Variants in FBXL17 observed in about 807,000 individuals in gnomAD.
FBXL17 encodes the protein F-box and leucine rich repeat protein 17.
A neutral mutation model predicts 66.2 loss-of-function variants in FBXL17; 22 were observed. The observed-to-expected ratio is 0.33, with a 90% CI of 0.24 to 0.47. The LOEUF is 0.47. Among genes scored for constraint, FBXL17 ranks in the 20% least tolerant of loss-of-function variants. The probability of loss-of-function intolerance (pLI) is 1.00; values close to 1 mark genes in which losing one functional copy is unlikely to be tolerated. For synonymous variants in FBXL17, 474 were observed against 400.5 expected (o/e 1.18, Z -2.19); for missense variants, 878 against 948.2 (o/e 0.93, Z 0.97).
Position 108,193,205 on chromosome 5 carries a change from C to G in FBXL17, c.1615-6958G>C, listed in dbSNP as rs77647244. On this transcript the variant is annotated intron_variant, in intron 5 of 8. Coordinates refer to ENST00000542267, the MANE Select transcript of FBXL17 (RefSeq NM_001163315.3). ...CCTTGCTGATGAAGGGGTTGCTGGG[C>G]ATAGATTAGCACGACACACTAATCC... 1.6e-4 allele frequency among the ~76,000 whole-genome samples: 24 copies of G among 152,220 alleles called. 2 individuals are homozygous for G. The East Asian group carries it at 4.6e-3, about 29-fold the overall frequency.
At chr5:108,160,718 G>C (rs1288030753) in intron 6 of FBXL17, among the ~76,000 whole-genome samples, 2 of 152,106 alleles carry the variant, frequency 1.3e-5, no homozygotes, top group Admixed American at 1.3e-4. Context: ...ATTTAAGACA[G>C]TTAGAGAAAG....
intron 5 of FBXL17, among the ~76,000 whole-genome samples, chr5:108,216,656 G>C (rs1304127761): frequency 6.6e-6 from 1 of 152,030 alleles, no homozygotes; most frequent in Non-Finnish European, 1.5e-5. Context: ...ATACTGAAAG[G>C]AGTTAGTTAG....
chr5:108,262,140 G>A (rs1013035967), intron 4 of FBXL17, among the ~76,000 whole-genome samples: 16 of 149,660 alleles, frequency 1.1e-4, no homozygotes, highest in Admixed American at 6.0e-4. Flanking sequence ...GCAGTGGCAC[G>A]GTCTTGGCTC....
chr5:108,179,863 T>C (rs1752934313), intron 6 of FBXL17, among the ~76,000 whole-genome samples: 1 of 152,162 alleles, frequency 6.6e-6, no homozygotes, highest in South Asian at 2.1e-4. Flanking sequence ...AAGAACCATA[T>C]GATTTAAATA....
At chr5:108,082,043 T>A (rs11242662) in intron 6 of FBXL17, among the ~76,000 whole-genome samples, 74,882 of 151,930 alleles carry the variant, frequency 0.49, 19,456 homozygotes, top group Admixed American at 0.6. Context: ...AGCCTAGTAG[T>A]TGAGAAAACA....
At chr5:108,291,337 T>C (rs1478386016) in intron 4 of FBXL17, among the ~76,000 whole-genome samples, 4 of 152,204 alleles carry the variant, frequency 2.6e-5, no homozygotes, top group African/African-American at 9.6e-5. Flanking sequence ...TCCTCTAAGT[T>C]TGTAAGTATT....
At chr5:108,134,718 T>C (rs561321140) in intron 6 of FBXL17, among the ~76,000 whole-genome samples, 140 of 152,326 alleles carry the variant, frequency 9.2e-4, no homozygotes, top group African/African-American at 3.2e-3. Context: ...ATGTGTAGTA[T>C]GTGTACTATA....
chr5:107,949,909 C>G (rs1240227689), intron 7 of FBXL17, among the ~76,000 whole-genome samples: 2 of 152,122 alleles, frequency 1.3e-5, no homozygotes, highest in African/African-American at 4.8e-5. Context: ...TATTAGTTTA[C>G]GTTCTACATG....
intron 7 of FBXL17, among the ~76,000 whole-genome samples, chr5:107,980,645 A>AATAT (rs61438456): frequency 7.6e-5 from 6 of 79,226 alleles, no homozygotes; most frequent in African/African-American, 2.2e-4. Flanking sequence ...CCAATAAAAT[A>AATAT]ATATATATAT....
chr5:108,245,629 T>C (rs868515672), intron 4 of FBXL17, among the ~76,000 whole-genome samples: 2 of 152,178 alleles, frequency 1.3e-5, no homozygotes, highest in Non-Finnish European at 2.9e-5. Context: ...GAATCCACCA[T>C]CCATCGTAAC....
At chr5:108,104,683 T>A (rs1749724279) in intron 6 of FBXL17, among the ~76,000 whole-genome samples, 1 of 152,152 alleles carries the variant, frequency 6.6e-6, no homozygotes, top group Non-Finnish European at 1.5e-5. Context: ...ATTCAGTGAG[T>A]GCAATAGATG....
chr5:108,220,318 C>G (rs371566761), intron 5 of FBXL17, among the ~76,000 whole-genome samples: 20 of 152,130 alleles, frequency 1.3e-4, no homozygotes, highest in African/African-American at 3.6e-4. Context: ...TCAACTCAGA[C>G]AGTCTGCTGT....
chr5:108,082,455 A>G (rs544221101), intron 6 of FBXL17, among the ~76,000 whole-genome samples: 3 of 152,336 alleles, frequency 2.0e-5, no homozygotes, highest in African/African-American at 4.8e-5. Flanking sequence ...AGTGCTCAAT[A>G]TATGTTTGTT....
chr5:108,317,174 A>G (rs886555345), intron 4 of FBXL17, among the ~76,000 whole-genome samples: 2 of 151,356 alleles, frequency 1.3e-5, no homozygotes, highest in African/African-American at 4.8e-5. Context: ...TTTATAAAAC[A>G]TGTAAAGTTA....
intron 1 of FBXL17, among the ~76,000 whole-genome samples, chr5:108,380,237 T>G (rs969489488): frequency 8.5e-5 from 13 of 152,182 alleles, no homozygotes; most frequent in Non-Finnish European, 1.9e-4. Context: ...ATATATAAAG[T>G]CTGGCGCAGT....
chr5:107,989,480 T>A (rs4957547), intron 7 of FBXL17, among the ~76,000 whole-genome samples: 44,801 of 152,090 alleles, frequency 0.29, 6,643 homozygotes, highest in East Asian at 0.36. Flanking sequence ...TTTCATTCTT[T>A]TTTATGGCTG....
intron 6 of FBXL17, among the ~76,000 whole-genome samples, chr5:108,092,447 C>A (rs1265799646): frequency 6.6e-6 from 1 of 152,074 alleles, no homozygotes; most frequent in African/African-American, 2.4e-5. Context: ...TTCCTACTCA[C>A]ATACATCACA....
intron 7 of FBXL17, among the ~76,000 whole-genome samples, chr5:107,893,950 G>A (rs1188586223): frequency 1.3e-5 from 2 of 152,186 alleles, no homozygotes; most frequent in Admixed American, 6.6e-5. Flanking sequence ...TCTTTCCAAC[G>A]AGGAAGGAAG....
At chr5:108,059,343 G>C (rs1210991555) in intron 6 of FBXL17, among the ~76,000 whole-genome samples, 1 of 152,166 alleles carries the variant, frequency 6.6e-6, no homozygotes, top group East Asian at 1.9e-4. Context: ...GAGGCCTTAG[G>C]AGTTATCATC....
Sources: gnomAD v4.1 joint callset for allele counts (sites outside exome capture counted in the v4.1 genomes callset) on GRCh38, gnomAD v4.1.1 for gene constraint, MANE v1.5 for transcripts, NCBI Gene and HGNC (gene_info 2026-07-23, HGNC 2026-07-21) for gene names.